ANKRD30BL: variants seen among roughly 807,000 people sequenced by gnomAD.
The protein encoded by ANKRD30BL is ankyrin repeat domain 30B like, also known as putative ankyrin repeat domain-containing protein 30B-like.
Under a neutral mutation model 18.4 loss-of-function variants are expected in ANKRD30BL, and 20 were observed. The ratio of observed to expected loss-of-function variants is 1.09; its 90% CI spans 0.77 to 1.58. The LOEUF is 1.58. ANKRD30BL is among the 40% of genes most tolerant of loss of function. ANKRD30BL has a pLI of 0.00. For synonymous variants in ANKRD30BL, 72 were observed against 100.9 expected (o/e 0.71, Z 1.72); for missense variants, 224 against 268.6 (o/e 0.83, Z 1.16).
At chr2:132,195,862 T>C (rs370172907) in intron 1 of ANKRD30BL, among the ~76,000 whole-genome samples, 57 of 144,764 alleles carry the variant, frequency 3.9e-4, no homozygotes, top group Middle Eastern at 3.6e-3. Flanking sequence ...AAAACAGACG[T>C]CGAGTGTGGT....
intron 1 of ANKRD30BL, among the ~76,000 whole-genome samples, chr2:132,191,665 G>C (rs1450426978): frequency 6.6e-6 from 1 of 151,182 alleles, no homozygotes; most frequent in Non-Finnish European, 1.5e-5. Context: ...ATATATCTTT[G>C]GTTATTGTCA....
At chr2:132,181,896 G>A (rs1368396704) in intron 1 of ANKRD30BL, among the ~76,000 whole-genome samples, 1 of 152,114 alleles carries the variant, frequency 6.6e-6, no homozygotes, top group Non-Finnish European at 1.5e-5. Context: ...CAGACCACAT[G>A]AGGTTGGGAG....
intron 1 of ANKRD30BL, among the ~76,000 whole-genome samples, chr2:132,187,761 CT>C (rs113704728): frequency 0.013 from 1,781 of 141,992 alleles, 19 homozygotes; most frequent in African/African-American, 0.035. Flanking sequence ...AGAATAGATT[CT>C]TTTTTTTTTT....
intron 1 of ANKRD30BL, among the ~76,000 whole-genome samples, chr2:132,170,354 G>C (rs1411537136): frequency 6.6e-6 from 1 of 152,156 alleles, no homozygotes; most frequent in Non-Finnish European, 1.5e-5. Context: ...TCAGTAAAGT[G>C]AGTCCTGCTA....
At chr2:132,200,801 G>A (rs1300577985) in intron 1 of ANKRD30BL, among the ~76,000 whole-genome samples, 1 of 152,012 alleles carries the variant, frequency 6.6e-6, no homozygotes, top group Admixed American at 6.6e-5. Flanking sequence ...CTACTTTAAA[G>A]TTCATATGGA....
intron 1 of ANKRD30BL, among the ~76,000 whole-genome samples, chr2:132,205,218 C>T (rs533392562): frequency 1.1e-3 from 164 of 152,116 alleles, no homozygotes; most frequent in African/African-American, 3.0e-3. Context: ...TATTGTCAAT[C>T]AGGGAAACAT....
At chr2:132,224,040 T>C (rs1180941372) in intron 1 of ANKRD30BL, among the ~76,000 whole-genome samples, 1 of 152,056 alleles carries the variant, frequency 6.6e-6, no homozygotes, top group Non-Finnish European at 1.5e-5. Flanking sequence ...GTTGAACCTT[T>C]CTTTTGATAG....
intron 1 of ANKRD30BL, among the ~76,000 whole-genome samples, chr2:132,250,939 A>G (rs1223900146): frequency 6.6e-6 from 1 of 152,192 alleles, no homozygotes; most frequent in Non-Finnish European, 1.5e-5. Context: ...TTAGTAACAA[A>G]TAAACACTAT....
intron 1 of ANKRD30BL, among the ~76,000 whole-genome samples, chr2:132,231,112 A>G (rs75448903): frequency 4.0e-5 from 6 of 151,504 alleles, no homozygotes; most frequent in Non-Finnish European, 7.4e-5. Context: ...CTGCAAGTGA[A>G]CATTTGGAGA....
intron 1 of ANKRD30BL, among the ~76,000 whole-genome samples, chr2:132,220,713 A>G (rs201299688): frequency 6.6e-6 from 1 of 152,132 alleles, no homozygotes; most frequent in East Asian, 1.9e-4. Context: ...TCGGCTCGCT[A>G]CAACCTCCAC....
chr2:132,149,782 T>C (rs1687709489), intron 5 of ANKRD30BL, among the ~76,000 whole-genome samples: 1 of 152,176 alleles, frequency 6.6e-6, no homozygotes, highest in South Asian at 2.1e-4. Flanking sequence ...GCCTCCTCCT[T>C]ATCAGCCTAC....
chr2:132,231,029 G>A (rs1310016424), intron 1 of ANKRD30BL, among the ~76,000 whole-genome samples: 2 of 152,054 alleles, frequency 1.3e-5, no homozygotes, highest in African/African-American at 2.4e-5. Flanking sequence ...AAACTTTTTT[G>A]TGCTGTGGCA....
chr2:132,238,305 C>A (rs201838117), intron 1 of ANKRD30BL, among the ~76,000 whole-genome samples: 1 of 151,780 alleles, frequency 6.6e-6, no homozygotes, highest in Non-Finnish European at 1.5e-5. Flanking sequence ...AATGTCTTCA[C>A]ATAAAATTGA....
chr2:132,224,930 GA>G (rs1679800673), intron 1 of ANKRD30BL, among the ~76,000 whole-genome samples: 1 of 150,782 alleles, frequency 6.6e-6, no homozygotes, highest in Admixed American at 6.6e-5. Flanking sequence ...GCAGAATCTG[GA>G]AGTGGACATT....
Position 132,156,964 on chromosome 2 carries a change from A to G in ANKRD30BL, c.507+9T>C, listed in dbSNP as rs752346670. 9 of 940,714 alleles carry G rather than the reference A, an allele frequency of 9.6e-6. No individual in the cohort carries two copies. The highest frequency in any genetic ancestry group is 5.9e-5 in the South Asian group (3 of 50,688). 58.3% of individuals were successfully genotyped at this position (940,714 alleles called of 1,614,324 possible). On this transcript the variant is annotated intron_variant, in intron 3 of 5. Transcript: ENST00000409867. ...AAATATTTTGAAAATAACATTGGTTAATGTCTACCTTGTTCTTCACTTCGA... is the reference window on the plus strand; with the variant it reads ...AAATATTTTGAAAATAACATTGGTTGATGTCTACCTTGTTCTTCACTTCGA...
chr2:132,151,770 T>C (rs12466591), intron 4 of ANKRD30BL, among the ~76,000 whole-genome samples: 52,429 of 151,828 alleles, frequency 0.35, 10,253 homozygotes, highest in Middle Eastern at 0.45. Context: ...TGTAATGAAA[T>C]ATATTTATAA....
intron 1 of ANKRD30BL, among the ~76,000 whole-genome samples, chr2:132,205,674 G>T (rs372934690): frequency 6.6e-6 from 1 of 151,662 alleles, no homozygotes; most frequent in East Asian, 1.9e-4. Flanking sequence ...AAAGCATGGG[G>T]CCAACATTGA....
At chr2:132,198,312 C>CTTTTTTTTTTT (rs1558928547) in intron 1 of ANKRD30BL, among the ~76,000 whole-genome samples, 1 of 12,226 alleles carries the variant, frequency 8.2e-5, no homozygotes. Flanking sequence ...TTCTTTCTTT[C>CTTTTTTTTTTT]TTTCTTTCTT....
At chr2:132,226,292 G>A (rs1415883717) in intron 1 of ANKRD30BL, among the ~76,000 whole-genome samples, 1 of 151,228 alleles carries the variant, frequency 6.6e-6, no homozygotes, top group African/African-American at 2.5e-5. Context: ...CACTCTTTTT[G>A]TAGAATCTGC....
Sources: gnomAD v4.1 joint callset for allele counts (sites outside exome capture counted in the v4.1 genomes callset) on GRCh38, gnomAD v4.1.1 for gene constraint, MANE v1.5 for transcripts, NCBI Gene and HGNC (gene_info 2026-07-23, HGNC 2026-07-21) for gene names.